The following HMGB1 variants were observed in gnomAD, a reference collection of about 807,000 sequenced individuals.
HMGB1 encodes high mobility group box 1.
For synonymous variants in HMGB1, 81 were observed against 84.0 expected (o/e 0.96, Z 0.19); for missense variants, 79 against 253.5 (o/e 0.31, Z 4.67).
At chr13:30,503,775 T>C (rs1475672658) in intron 1 of HMGB1, among the ~76,000 whole-genome samples, 2 of 151,270 alleles carry the variant, frequency 1.3e-5, no homozygotes, top group African/African-American at 4.9e-5. Flanking sequence ...ATTGCAGGGC[T>C]GGGTGATACC....
intron 1 of HMGB1, among the ~76,000 whole-genome samples, chr13:30,612,594 A>G (rs956818544): frequency 1.3e-5 from 2 of 152,192 alleles, no homozygotes; most frequent in African/African-American, 4.8e-5. Flanking sequence ...AATTATTTTA[A>G]ATTTCCTGGC....
At chr13:30,593,612 A>G (rs1871467636) in intron 1 of HMGB1, among the ~76,000 whole-genome samples, 1 of 152,246 alleles carries the variant, frequency 6.6e-6, no homozygotes, top group Non-Finnish European at 1.5e-5. Context: ...TTGATTCTAC[A>G]ACACATTTTG....
At chr13:30,541,142 T>A (rs976465108) in intron 1 of HMGB1, among the ~76,000 whole-genome samples, 1 of 152,110 alleles carries the variant, frequency 6.6e-6, no homozygotes, top group African/African-American at 2.4e-5. Context: ...ACCCTAAGGG[T>A]TAAATTTATT....
chr13:30,562,756 G>T (rs1870016983), intron 1 of HMGB1, among the ~76,000 whole-genome samples: 1 of 152,176 alleles, frequency 6.6e-6, no homozygotes, highest in Non-Finnish European at 1.5e-5. Flanking sequence ...TTGGCGCTGG[G>T]TTGGTTGGAG....
chr13:30,604,190 G>A (rs1593340547), intron 1 of HMGB1, among the ~76,000 whole-genome samples: 1 of 152,120 alleles, frequency 6.6e-6, no homozygotes, highest in African/African-American at 2.4e-5. Flanking sequence ...TGGTCAGGAA[G>A]GGATCTGTAG....
intron 1 of HMGB1, among the ~76,000 whole-genome samples, chr13:30,474,941 T>C (rs1484114667): frequency 3.0e-5 from 4 of 134,628 alleles, no homozygotes; most frequent in Non-Finnish European, 4.6e-5. Context: ...TTCTCTTTTT[T>C]TTTTCTTTTC....
At chr13:30,612,780 T>C (rs972329294) in intron 1 of HMGB1, among the ~76,000 whole-genome samples, 6 of 152,128 alleles carry the variant, frequency 3.9e-5, no homozygotes, top group African/African-American at 1.2e-4. Context: ...GGCTTCCTGA[T>C]TGCTAATCAA....
At chr13:30,548,773 C>T (rs192519101) in intron 1 of HMGB1, among the ~76,000 whole-genome samples, 1 of 152,262 alleles carries the variant, frequency 6.6e-6, no homozygotes, top group East Asian at 1.9e-4. Flanking sequence ...GTATCAGGTG[C>T]CTGCAGAGCT....
At chr13:30,575,703 T>A (rs190162395) in intron 1 of HMGB1, among the ~76,000 whole-genome samples, 81 of 152,236 alleles carry the variant, frequency 5.3e-4, no homozygotes, top group African/African-American at 1.3e-3. Context: ...CTGCTATGTA[T>A]CTAATGTGGG....
At chr13:30,613,687 C>T (rs1197304334) in intron 1 of HMGB1, among the ~76,000 whole-genome samples, 1 of 152,042 alleles carries the variant, frequency 6.6e-6, no homozygotes, top group South Asian at 2.1e-4. Flanking sequence ...AAAAAACAGC[C>T]ATTCAGGTGA....
chr13:30,506,405 G>A (rs916554911), intron 1 of HMGB1, among the ~76,000 whole-genome samples: 5 of 152,146 alleles, frequency 3.3e-5, no homozygotes, highest in Admixed American at 1.3e-4. Context: ...AGTGTAGCAC[G>A]GAGGCTACCC....
chr13:30,584,945 C>T (rs1362330768), intron 1 of HMGB1, among the ~76,000 whole-genome samples: 5 of 152,064 alleles, frequency 3.3e-5, no homozygotes, highest in African/African-American at 9.7e-5. Context: ...ACCAGGAATT[C>T]GAGACCAGCC....
intron 1 of HMGB1, among the ~76,000 whole-genome samples, chr13:30,483,619 T>TTC (rs1816752735): frequency 6.8e-6 from 1 of 148,098 alleles, no homozygotes; most frequent in African/African-American, 2.5e-5. Context: ...GCAAATTTCT[T>TTC]TTTTTTTTTT....
intron 1 of HMGB1, among the ~76,000 whole-genome samples, chr13:30,546,416 C>G (rs764945725): frequency 6.6e-6 from 1 of 152,070 alleles, no homozygotes; most frequent in Non-Finnish European, 1.5e-5. Flanking sequence ...GCCCGGCCAA[C>G]CTCACGTTTT....
chr13:30,554,747 G>A, intron 1 of HMGB1: 1 of 769,056 alleles, frequency 1.3e-6, no homozygotes, highest in Non-Finnish European at 2.4e-6. Context: ...CCACAGCTCA[G>A]AAGGTGCAGC....
intron 1 of HMGB1, chr13:30,463,925 T>C (rs1886527233): frequency 2.2e-6 from 1 of 454,548 alleles, no homozygotes; most frequent in Non-Finnish European, 3.6e-6. Context: ...TCAAAAAGTC[T>C]AGACACAAAG....
intron 1 of HMGB1, among the ~76,000 whole-genome samples, chr13:30,567,214 T>C (rs1486614003): frequency 6.6e-6 from 1 of 152,212 alleles, no homozygotes; most frequent in East Asian, 1.9e-4. Flanking sequence ...AATTAGATGA[T>C]TTCTTTAGTC....
chr13:30,535,056 A>T (rs1888582253), intron 1 of HMGB1, among the ~76,000 whole-genome samples: 1 of 152,234 alleles, frequency 6.6e-6, no homozygotes, highest in Non-Finnish European at 1.5e-5. Flanking sequence ...CTAATTTCAC[A>T]AGTCGGTATT....
At chr13:30,512,885 G>A (rs962601968) in intron 1 of HMGB1, among the ~76,000 whole-genome samples, 2 of 152,118 alleles carry the variant, frequency 1.3e-5, no homozygotes, top group South Asian at 4.2e-4. Flanking sequence ...GACTAGGGCC[G>A]CACACAGTGG....
Sources: gnomAD v4.1 joint callset for allele counts (sites outside exome capture counted in the v4.1 genomes callset) on GRCh38, gnomAD v4.1.1 for gene constraint, MANE v1.5 for transcripts, NCBI Gene and HGNC (gene_info 2026-07-23, HGNC 2026-07-21) for gene names.